The following PRIM2 variants were observed in gnomAD, a reference collection of about 807,000 sequenced individuals.
The protein encoded by PRIM2 is DNA primase large subunit.
PRIM2 carries 39 observed loss-of-function variants against 67.3 expected under a neutral mutation model. The ratio of observed to expected loss-of-function variants is 0.58; its 90% CI spans 0.45 to 0.76. The LOEUF (loss-of-function observed/expected upper bound fraction) is 0.76. Ranked by LOEUF, PRIM2 falls within the 30% of genes least tolerant of loss-of-function variation. The pLI is 0.00. For synonymous variants in PRIM2, 143 were observed against 198.7 expected (o/e 0.72, Z 2.36); for missense variants, 398 against 598.7 (o/e 0.66, Z 3.50).
At chr6:57,452,796 C>A (rs1405036590) in intron 7 of PRIM2, among the ~76,000 whole-genome samples, 1 of 152,174 alleles carries the variant, frequency 6.6e-6, no homozygotes, top group Non-Finnish European at 1.5e-5. Context: ...TTGATTAGAT[C>A]CCATTTGTCA....
the PRIM2 span, among the ~76,000 whole-genome samples, chr6:57,273,267 T>A: frequency 6.6e-6 from 1 of 152,254 alleles, no homozygotes; most frequent in Non-Finnish European, 1.5e-5. Flanking sequence ...GGTGCACTGA[T>A]CAGACGCAGA....
At chr6:57,435,424 T>TC (rs1771978404) in intron 7 of PRIM2, among the ~76,000 whole-genome samples, 2 of 152,106 alleles carry the variant, frequency 1.3e-5, no homozygotes, top group Admixed American at 1.3e-4. Flanking sequence ...GATGATTCCT[T>TC]CCCCTTTTAA....
At chr6:57,241,954 C>G in the PRIM2 span, among the ~76,000 whole-genome samples, 38 of 152,196 alleles carry the variant, frequency 2.5e-4, no homozygotes, top group South Asian at 1.0e-3. Context: ...TTACAGGCGT[C>G]AGCCACTGTG....
the PRIM2 span, among the ~76,000 whole-genome samples, chr6:57,275,319 C>A: frequency 6.6e-6 from 1 of 152,030 alleles, no homozygotes; most frequent in Non-Finnish European, 1.5e-5. Context: ...AACCCTGTCT[C>A]TACTAAAAAT....
At chr6:57,366,399 C>T (rs1261670766) in intron 5 of PRIM2, among the ~76,000 whole-genome samples, 1 of 152,010 alleles carries the variant, frequency 6.6e-6, no homozygotes. Flanking sequence ...CACAAAGAGC[C>T]TGTGTAGTGG....
At chr6:57,317,556 A>G (rs1187146627), upstream of PRIM2, 1 of 152,734 alleles carries the variant, frequency 6.5e-6, no homozygotes, top group African/African-American at 2.4e-5. Context: ...CCTCAGGCCA[A>G]ACCCCCTCCT....
intron 8 of PRIM2, among the ~76,000 whole-genome samples, chr6:57,519,071 T>C (rs1774549765): frequency 6.6e-6 from 1 of 152,156 alleles, no homozygotes; most frequent in Non-Finnish European, 1.5e-5. Context: ...AGCAAGTTTT[T>C]ATTAGGGATT....
At chr6:57,270,031 T>C in the PRIM2 span, among the ~76,000 whole-genome samples, 2 of 152,194 alleles carry the variant, frequency 1.3e-5, no homozygotes, top group Non-Finnish European at 2.9e-5. Flanking sequence ...TTGGTTACTG[T>C]AGCCTTGTAG....
At chr6:57,289,487 C>T in the PRIM2 span, among the ~76,000 whole-genome samples, 7 of 151,910 alleles carry the variant, frequency 4.6e-5, no homozygotes, top group Admixed American at 2.0e-4. Context: ...AAGAGCAACC[C>T]CAAGACACAT....
At chr6:57,279,779 A>C in the PRIM2 span, among the ~76,000 whole-genome samples, 2 of 152,202 alleles carry the variant, frequency 1.3e-5, no homozygotes, top group African/African-American at 4.8e-5. Flanking sequence ...AGACAGATTA[A>C]TGTGTGATAA....
rs1434594293 is a variant in PRIM2, at chr6:57,456,661, AC to A, written c.694-50725del. On this transcript the variant is annotated intron_variant, in intron 7 of 13. Coordinates refer to ENST00000615550, the MANE Select transcript of PRIM2 (RefSeq NM_000947.5). ...TTAGGTCCTTTAAGGACTTCTCTGC[AC>A]TGGTTATTCTAGTTAGCCATTCGTC... Among the ~76,000 whole-genome samples, 16 of 150,168 alleles carry A rather than the reference AC, an allele frequency of 1.1e-4. No individual in the cohort carries two copies. In the South Asian group the frequency reaches 2.8e-3, roughly 26 times the overall value.
the PRIM2 span, among the ~76,000 whole-genome samples, chr6:57,256,025 A>G: frequency 0.12 from 12,485 of 108,508 alleles, 564 homozygotes; most frequent in African/African-American, 0.24. Context: ...ACACACACAT[A>G]CACACACACA....
At chr6:57,591,059 T>C (rs1470128505) in intron 10 of PRIM2, among the ~76,000 whole-genome samples, 1 of 152,174 alleles carries the variant, frequency 6.6e-6, no homozygotes, top group Non-Finnish European at 1.5e-5. Context: ...TGTTGTTTGG[T>C]TAGAATATGT....
At chr6:57,277,865 T>C in the PRIM2 span, among the ~76,000 whole-genome samples, 3 of 151,724 alleles carry the variant, frequency 2.0e-5, no homozygotes, top group Non-Finnish European at 2.9e-5. Context: ...GCACCTGTAG[T>C]CCCAGCTACT....
Position 57,645,817 on chromosome 6 carries a change from A to T in PRIM2, c.1300-111A>T, listed in dbSNP as rs1443472549. ...TAAGTGTTAGAATGCAAACAGCTAG[A>T]ATCCATGTTTCAGGTATTAAGTTTT... On this transcript the variant is annotated intron_variant, in intron 13 of 13. Coordinates refer to ENST00000615550, the MANE Select transcript of PRIM2 (RefSeq NM_000947.5). 5 of 637,334 alleles carry T rather than the reference A, an allele frequency of 7.8e-6. No homozygotes were observed. In the African/African-American group the frequency reaches 9.2e-5, roughly 12 times the overall value. The allele number at this position is 637,334 out of a possible 1,614,324, so 39.5% of individuals were successfully genotyped here.
intron 7 of PRIM2, among the ~76,000 whole-genome samples, chr6:57,407,979 C>T (rs1770954042): frequency 6.6e-6 from 1 of 152,212 alleles, no homozygotes. Flanking sequence ...TATCCAAGGT[C>T]ACAGAATTCT....
upstream of PRIM2, among the ~76,000 whole-genome samples, chr6:57,310,481 C>T (rs1226185775): frequency 6.6e-6 from 1 of 152,266 alleles, no homozygotes; most frequent in Non-Finnish European, 1.5e-5. Flanking sequence ...AATCTGATCT[C>T]TCTTTCTTTT....
chr6:57,478,237 T>C (rs1216870338), intron 7 of PRIM2, among the ~76,000 whole-genome samples: 2 of 152,218 alleles, frequency 1.3e-5, no homozygotes, highest in Non-Finnish European at 2.9e-5. Flanking sequence ...AAATACTGTA[T>C]ATTTTTTGTA....
chr6:57,357,226 C>T (rs529049117), intron 5 of PRIM2, among the ~76,000 whole-genome samples: 7 of 152,250 alleles, frequency 4.6e-5, no homozygotes, highest in South Asian at 2.1e-4. Context: ...GCCACCGTGC[C>T]GGCCTATCCA....
Sources: gnomAD v4.1 joint callset for allele counts (sites outside exome capture counted in the v4.1 genomes callset) on GRCh38, gnomAD v4.1.1 for gene constraint, MANE v1.5 for transcripts, NCBI Gene and HGNC (gene_info 2026-07-23, HGNC 2026-07-21) for gene names.